CPEB4: variants seen among roughly 807,000 people sequenced by gnomAD.
The protein encoded by CPEB4 is cytoplasmic polyadenylation element-binding protein 4.
In CPEB4, 12 loss-of-function variants were observed where a neutral mutation model predicts 72.5. That is an observed-to-expected ratio of 0.17 (90% CI 0.11 to 0.27). The LOEUF is 0.27. Ranked by LOEUF, CPEB4 falls within the 10% of genes least tolerant of loss-of-function variation. CPEB4 has a pLI of 1.00. For missense variants in CPEB4, 614 were observed against 908.5 expected, an observed-to-expected ratio of 0.68 and a Z score of 4.17; for synonymous variants, 302 against 326.3, an observed-to-expected ratio of 0.93 and a Z score of 0.80.
In CPEB4 at chr5:173,956,105, C is replaced by T. The variant is rs776602675; in HGVS notation, c.2158C>T (p.Arg720Cys). The T allele has an allele frequency of 1.9e-6, 3 of 1,614,118 alleles. No individual in the cohort carries two copies. Among genetic ancestry groups the T allele is most frequent in the Non-Finnish European group, 1.7e-6 (2 of 1,180,006 alleles). ...HKPLVKEGGD[R>C]PRHISFRWN ...GCCCCTGGTGAAGGAAGGCGGTGACCGCCCTCGGCATATTTCATTCCGCTG... is the reference window on the plus strand; with the variant it reads ...GCCCCTGGTGAAGGAAGGCGGTGACTGCCCTCGGCATATTTCATTCCGCTG... The change falls in exon 10 of 10, where the codon CGC becomes TGC. Residue 720 changes from arginine (R) to cysteine (C), a missense_variant. Coordinates refer to ENST00000265085, the MANE Select transcript of CPEB4 (RefSeq NM_030627.4).
In CPEB4 at chr5:173,889,920, C is replaced by A. The variant is rs1393824312; in HGVS notation, c.187C>A (p.Pro63Thr). The A allele has an allele frequency of 6.2e-7, 1 of 1,613,986 alleles. No homozygotes were observed. Among genetic ancestry groups the A allele is most frequent in the African/African-American group, 1.3e-5 (1 of 74,884 alleles). The part of the protein sequence containing the change: ...GSSAGSAWLF[P>T]APATHNIQDE... The stretch of plus-strand genomic sequence containing the variant: ...CAGTGCTGGGTCAGCTTGGCTTTTT[C>A]CTGCTCCAGCTACCCATAACATTCA... The change falls in exon 1 of 10, where the codon CCT (proline) becomes ACT (threonine). Residue 63 changes from proline (P) to threonine (T), a missense_variant. By Grantham distance (38) the Pro-to-Thr change is conservative. Around this residue, in one of 5 missense-constraint regions of CPEB4, gnomAD observed 458 missense variants for 548.6 expected, o/e 0.83. Coordinates refer to ENST00000265085, the MANE Select transcript of CPEB4 (RefSeq NM_030627.4).
At chr5:173,892,753 A>G (rs1471264514) in intron 1 of CPEB4, among the ~76,000 whole-genome samples, 1 of 152,184 alleles carries the variant, frequency 6.6e-6, no homozygotes, top group Non-Finnish European at 1.5e-5. Context: ...TATTGGGCTA[A>G]TAGAGTGTGT....
chr5:173,897,797 GTTT>G (rs1756074047), intron 1 of CPEB4, among the ~76,000 whole-genome samples: 1 of 152,038 alleles, frequency 6.6e-6, no homozygotes, highest in African/African-American at 2.4e-5. Context: ...AAATTATAAT[GTTT>G]TTGGAAAAAT....
At position 173,888,423 on chromosome 5, in the gene CPEB4, G is replaced by GGCGGCGGCGGCAGCA. The variant is rs1755684978; in HGVS notation, c.-1303_-1302insGGCAGCAGCGGCGGC. ...GGCACCGGGAGGCGGTGGCGGCGGC[G>GGCGGCGGCGGCAGCA]GCGGCGGCAGCAGCGGCGACAGCAG... is the stretch of plus-strand genomic sequence containing the variant. On this transcript the variant is annotated 5_prime_UTR_variant, in exon 1 of 10. Transcript: ENST00000265085. The surrounding 1 kb of genome is among the most constrained non-coding windows in gnomAD (Gnocchi z 4.3). 2.2e-6 allele frequency: 1 copy of GGCGGCGGCGGCAGCA among 460,932 alleles called. No individual in the cohort carries two copies. The highest frequency in any genetic ancestry group is 3.7e-6 in the Non-Finnish European group (1 of 266,832). The allele number at this position is 460,932 out of a possible 1,614,324, so 28.6% of individuals were successfully genotyped here. A position where few individuals can be genotyped will look rare whatever the true frequency, so the allele number is the denominator to read the frequency against.
At chr5:173,898,227 C>T (rs1756096075) in intron 1 of CPEB4, among the ~76,000 whole-genome samples, 1 of 152,008 alleles carries the variant, frequency 6.6e-6, no homozygotes. Context: ...AATAATAGTT[C>T]TTCCAGGTAT....
chr5:173,953,332 C>A, intron 9 of CPEB4, 60 bp downstream of exon 9: 1 of 1,301,286 alleles, frequency 7.7e-7, no homozygotes, highest in Non-Finnish European at 1.0e-6. Flanking sequence ...GTGTGATTAC[C>A]AATATTAGAA....
intron 8 of CPEB4, 85 bp from the exon 9 acceptor site, chr5:173,953,006 A>T: frequency 1.9e-6 from 2 of 1,036,696 alleles, no homozygotes; most frequent in Non-Finnish European, 2.9e-6. Flanking sequence ...CTCAGAGTAC[A>T]GATGAATTGC....
intron 1 of CPEB4, among the ~76,000 whole-genome samples, chr5:173,902,925 C>A (rs1317433939): frequency 6.6e-6 from 1 of 152,066 alleles, no homozygotes; most frequent in Admixed American, 6.6e-5. Context: ...TAGGTTGAAT[C>A]TGAAGGAATG....
chr5:173,914,262 A>C (rs189085995), intron 2 of CPEB4, among the ~76,000 whole-genome samples: 1 of 152,190 alleles, frequency 6.6e-6, no homozygotes, highest in East Asian at 1.9e-4. Flanking sequence ...TAGCTATTTT[A>C]GGAATACTAT....
chr5:173,941,227 G>GA (rs768805299), intron 3 of CPEB4, among the ~76,000 whole-genome samples: 2 of 152,126 alleles, frequency 1.3e-5, no homozygotes, highest in Non-Finnish European at 2.9e-5. Flanking sequence ...TGTATGAATA[G>GA]AATGTTCGTA....
rs1561608981 is a variant in CPEB4 at position 173,905,019 on chromosome 5, A to AATAAT, written c.1126-5503_1126-5502insTAATA. 4.3e-3 allele frequency among the ~76,000 whole-genome samples: 177 copies of AATAAT among 40,818 alleles called. 1 individual carries two copies. Among genetic ancestry groups the AATAAT allele is most frequent in the Non-Finnish European group, 7.1e-3 (122 of 17,108 alleles). The allele number at this position is 40,818 out of a possible 152,430, so 26.8% of individuals were successfully genotyped here. A position where few individuals can be genotyped will look rare whatever the true frequency, so the allele number is the denominator to read the frequency against. On this transcript the variant is annotated intron_variant, in intron 1 of 9. Transcript: ENST00000265085. ...ATAATAATAATAATAATAATAATAA[A>AATAAT]AAAATGTAACTTAGAAGATTTGAGG...
chr5:173,905,964 T>G (rs1756421599), intron 1 of CPEB4, among the ~76,000 whole-genome samples: 1 of 152,208 alleles, frequency 6.6e-6, no homozygotes, highest in Non-Finnish European at 1.5e-5. Context: ...CAGGCAGAGT[T>G]GAAGCTTCCT....
chr5:173,952,396 G>A (rs1758242243), intron 8 of CPEB4, among the ~76,000 whole-genome samples: 1 of 152,104 alleles, frequency 6.6e-6, no homozygotes, highest in South Asian at 2.1e-4. Context: ...TGAGCTCTGG[G>A]ATATAATAGA....
At chr5:173,924,542 G>A (rs1484804) in intron 2 of CPEB4, among the ~76,000 whole-genome samples, 4 of 152,052 alleles carry the variant, frequency 2.6e-5, no homozygotes, top group Admixed American at 6.6e-5. Flanking sequence ...GGTTATCTTC[G>A]GCTTATTACT....
chr5:173,896,876 C>T (rs777916806), intron 1 of CPEB4, among the ~76,000 whole-genome samples: 4 of 152,140 alleles, frequency 2.6e-5, no homozygotes, highest in Non-Finnish European at 5.9e-5. Context: ...GCCTGGGCAA[C>T]ATGGTCAGAC....
intron 2 of CPEB4, among the ~76,000 whole-genome samples, chr5:173,911,425 G>A (rs1037355291): frequency 1.1e-4 from 17 of 152,016 alleles, no homozygotes; most frequent in Non-Finnish European, 4.4e-5. Context: ...ACCACGCCCG[G>A]CTCATTTTTT....
chr5:173,943,077 A>T (rs780526718), intron 4 of CPEB4, 28 bp downstream of exon 4: 1 of 1,608,840 alleles, frequency 6.2e-7, no homozygotes, highest in Non-Finnish European at 8.5e-7. Context: ...TTTTAAATGT[A>T]TCACTTGTAT....
At chr5:173,899,181 A>G (rs1365028093) in intron 1 of CPEB4, among the ~76,000 whole-genome samples, 1 of 152,176 alleles carries the variant, frequency 6.6e-6, no homozygotes, top group Non-Finnish European at 1.5e-5. Flanking sequence ...GGTAGACAGA[A>G]TAGTCTAGTG....
At position 173,943,057 on chromosome 5, in the gene CPEB4, T is replaced by C; in HGVS notation, c.1282+8T>C. Reference sequence around the variant, plus strand: ...CATATGGGCGAAGGAGAGGTAACATTGTTTTTAACTTTTAAATGTATCACT... The same window carrying C: ...CATATGGGCGAAGGAGAGGTAACATCGTTTTTAACTTTTAAATGTATCACT... On this transcript the variant is annotated splice_region_variant and intron_variant, in intron 4 of 9. Coordinates refer to ENST00000265085, the MANE Select transcript of CPEB4 (RefSeq NM_030627.4). 6.2e-7 allele frequency: 1 copy of C among 1,611,286 alleles called. No individual in the cohort carries two copies. Among genetic ancestry groups the C allele is most frequent in the Non-Finnish European group, 8.5e-7 (1 of 1,178,810 alleles).
Sources: allele counts gnomAD v4.1 joint callset (sites outside exome capture counted in the v4.1 genomes callset), GRCh38; gene constraint gnomAD v4.1.1; regional missense constraint gnomAD v4.1.1; non-coding constraint Gnocchi (gnomAD v3.1); transcripts MANE v1.5; gene names NCBI Gene and HGNC (gene_info 2026-07-23, HGNC 2026-07-21).